Variants in TDG observed in about 807,000 individuals in gnomAD.
The protein encoded by TDG is G/T mismatch-specific thymine DNA glycosylase.
A neutral mutation model predicts 46.1 loss-of-function variants in TDG; 23 were observed. That is an observed-to-expected ratio of 0.50 (90% CI 0.36 to 0.71). The LOEUF is 0.71. Among genes scored for constraint, TDG ranks in the 30% least tolerant of loss-of-function variants. TDG has a pLI of 0.00. For missense variants in TDG, 304 were observed against 486.7 expected (o/e 0.62, Z 3.53); for synonymous variants, 115 against 161.3 (o/e 0.71, Z 2.18).
chr12:103,975,153 T>G (rs2723876), intron 1 of TDG, among the ~76,000 whole-genome samples: 20,944 of 152,198 alleles, frequency 0.14, 1,588 homozygotes, highest in Admixed American at 0.2. Context: ...TCTGGTTTTA[T>G]GCTAACAGCA....
At chr12:103,979,335 G>T (rs557956285) in intron 2 of TDG, among the ~76,000 whole-genome samples, 1 of 151,768 alleles carries the variant, frequency 6.6e-6, no homozygotes, top group East Asian at 1.9e-4. Context: ...AACTCCTGAC[G>T]TCAGGTGATC....
At chr12:103,985,010 C>T (rs11829639) in intron 8 of TDG, 90 bp downstream of exon 8, 4 of 990,648 alleles carry the variant, frequency 4.0e-6, no homozygotes, top group Non-Finnish European at 5.5e-6. Flanking sequence ...TACATATATA[C>T]ATATACACAT....
In TDG at chr12:103,986,964, A is replaced by C; in HGVS notation, c.1107A>C (p.Leu369Phe). ...SSNGLIESVELRGESAFSGIP... is the reference protein window; with the variant it reads ...SSNGLIESVEFRGESAFSGIP... ...TTCTGGCAGTTGAGAGCGTGGAGTT[A>C]AGAGGAGAATCAGCTTTCAGTGGCA... The change falls in exon 10 of 10, where the codon TTA becomes TTC. Residue 369 changes from leucine to phenylalanine, a missense_variant. Transcript: ENST00000392872. 6.2e-7 allele frequency: 1 copy of C among 1,614,226 alleles called. No individual in the cohort carries two copies. Among genetic ancestry groups the C allele is most frequent in the South Asian group, 1.1e-5 (1 of 91,092 alleles).
intron 7 of TDG, among the ~76,000 whole-genome samples, chr12:103,984,251 A>G (rs1429048340): frequency 6.6e-6 from 1 of 152,166 alleles, no homozygotes; most frequent in Non-Finnish European, 1.5e-5. Flanking sequence ...CACTACCTGT[A>G]GTGAATTGTA....
intron 1 of TDG, among the ~76,000 whole-genome samples, chr12:103,976,295 C>T (rs1339698723): frequency 6.6e-6 from 1 of 151,950 alleles, no homozygotes; most frequent in Non-Finnish European, 1.5e-5. Context: ...GTCCCAGCTA[C>T]TTGGGAGGCT....
chr12:103,967,637 A>G (rs549900088), intron 1 of TDG, among the ~76,000 whole-genome samples: 2 of 151,824 alleles, frequency 1.3e-5, no homozygotes, highest in South Asian at 2.1e-4. Context: ...TTGTATTTTT[A>G]GTAGAGACAG....
At chr12:103,970,758 AT>A (rs201257974) in intron 1 of TDG, among the ~76,000 whole-genome samples, 5 of 143,562 alleles carry the variant, frequency 3.5e-5, no homozygotes, top group African/African-American at 1.0e-4. Context: ...TAAAAAAAAA[AT>A]AATTAAAAAA....
intron 1 of TDG, 73 bp downstream of exon 1, chr12:103,966,133 G>C: frequency 2.1e-6 from 3 of 1,404,406 alleles, no homozygotes; most frequent in East Asian, 2.9e-5. Context: ...GCGCGCGCGC[G>C]CACGCAGGGG....
chr12:103,975,934 T>G (rs1593511367), intron 1 of TDG, among the ~76,000 whole-genome samples: 2 of 150,588 alleles, frequency 1.3e-5, no homozygotes, highest in East Asian at 3.9e-4. Context: ...AGTGCTGGGT[T>G]TACAGGTGTG....
intron 1 of TDG, 76 bp downstream of exon 1, chr12:103,966,136 C>T (rs1206918144): frequency 1.4e-6 from 2 of 1,403,810 alleles, no homozygotes; most frequent in South Asian, 1.5e-5. Flanking sequence ...CGCGCGCGCA[C>T]GCAGGGGTCT....
intron 8 of TDG, among the ~76,000 whole-genome samples, 165 bp downstream of exon 8, chr12:103,985,085 A>ACG (rs1566184267): frequency 6.6e-6 from 1 of 151,406 alleles, no homozygotes; most frequent in African/African-American, 2.4e-5. Context: ...ATATATACAC[A>ACG]TAAGTATGTA....
intron 8 of TDG, 79 bp downstream of exon 8, chr12:103,984,999 A>T: frequency 8.9e-7 from 1 of 1,127,460 alleles, no homozygotes; most frequent in South Asian, 2.1e-5. Context: ...ATATACACAT[A>T]TACATATATA....
rs999567997 is a variant in TDG at position 103,980,979 on chromosome 12, T to C, written c.478+17T>C. ...ACCATTTTTGTAAGTGGTTACCTTT[T>C]AAATTAATTTACTTTTAAATTAGGT... On this transcript the variant is annotated intron_variant, in intron 4 of 9. Transcript: ENST00000392872. 1.4e-5 allele frequency: 22 copies of C among 1,595,882 alleles called. No individual in the cohort carries two copies. The highest frequency in any genetic ancestry group is 1.8e-5 in the Non-Finnish European group (21 of 1,172,894).
rs1249205930 is a variant in TDG at position 103,988,318 on chromosome 12, C to T, written c.*1228C>T. On this transcript the variant is annotated 3_prime_UTR_variant, in exon 10 of 10. Coordinates refer to ENST00000392872, the MANE Select transcript of TDG (RefSeq NM_003211.6). Reference sequence around the variant, plus strand: ...ATATAAAATATTTATGAGGTCTCCCCCACCCCCAGGAGGTTATATGATTGC... The same window carrying T: ...ATATAAAATATTTATGAGGTCTCCCTCACCCCCAGGAGGTTATATGATTGC... 1 of 152,626 alleles carries T rather than the reference C, an allele frequency of 6.6e-6. No homozygotes were observed. Among genetic ancestry groups the T allele is most frequent in the Non-Finnish European group, 1.5e-5 (1 of 68,022 alleles). 9.5% of individuals were successfully genotyped at this position (152,626 alleles called of 1,614,324 possible).
At chr12:103,977,096 C>T (rs755173960) in intron 2 of TDG, 36 bp downstream of exon 2, 12 of 1,576,380 alleles carry the variant, frequency 7.6e-6, no homozygotes, top group South Asian at 2.4e-5. Context: ...AGTTCAACAT[C>T]GGATCAGCCA....
chr12:103,979,093 T>C (rs1566181117), intron 2 of TDG, among the ~76,000 whole-genome samples: 1 of 81,786 alleles, frequency 1.2e-5, no homozygotes, highest in African/African-American at 5.1e-5. Context: ...AGCCATTGTG[T>C]TTTTCTTTTT....
chr12:103,978,059 TCAAAAACAAAAACAAAAACAAAAA>T (rs4015355), intron 2 of TDG, among the ~76,000 whole-genome samples: 1 of 151,174 alleles, frequency 6.6e-6, no homozygotes, highest in African/African-American at 2.4e-5. Flanking sequence ...AGACTCTGTC[TCAAAAACAAAAACAAAAACAAAAA>T]CAAAAACAAA....
intron 1 of TDG, 44 bp downstream of exon 1, chr12:103,966,104 G>A (rs1870998474): frequency 5.4e-6 from 8 of 1,494,188 alleles, no homozygotes; most frequent in Non-Finnish European, 7.1e-6. Flanking sequence ...GCCCCTCACT[G>A]CTGGGCAGGC....
chr12:103,967,301 C>T (rs1254008850), intron 1 of TDG, among the ~76,000 whole-genome samples: 3 of 152,098 alleles, frequency 2.0e-5, no homozygotes, highest in Non-Finnish European at 4.4e-5. Context: ...TTTATTTTGC[C>T]TTGAAAAGCT....
Sources: gnomAD v4.1 joint callset for allele counts (sites outside exome capture counted in the v4.1 genomes callset) on GRCh38, gnomAD v4.1.1 for gene constraint, MANE v1.5 for transcripts, NCBI Gene and HGNC (gene_info 2026-07-23, HGNC 2026-07-21) for gene names.